SORCS2: variants seen among roughly 807,000 people sequenced by gnomAD.
The protein encoded by SORCS2 is sortilin related VPS10 domain containing receptor 2.
Under a neutral mutation model 141.6 loss-of-function variants are expected in SORCS2, and 100 were observed. That is an observed-to-expected ratio of 0.71 (90% CI 0.60 to 0.83). The LOEUF (loss-of-function observed/expected upper bound fraction) is 0.83, where lower values mean the gene tolerates loss of function less well. SORCS2 is among the 40% of genes least tolerant of loss of function. The pLI is 0.00. For missense variants in SORCS2, 1,646 were observed against 1,560.2 expected (o/e 1.05, Z -0.93); for synonymous variants, 789 against 676.9 (o/e 1.17, Z -2.57).
rs191340606 is a variant in SORCS2 at position 7,492,530 on chromosome 4, C to A, written c.549-39000C>A. ...AACGCAGGAGTACAGGGACCTCTTC[C>A]ACATTCTGATTTTATTTCCTTTTGC... On this transcript the variant is annotated intron_variant, in intron 2 of 26. Transcript: ENST00000507866. Among the ~76,000 whole-genome samples the A allele has an allele frequency of 3.9e-3, 589 of 152,330 alleles. 4 individuals carry two copies. Among genetic ancestry groups the A allele is most frequent in the Non-Finnish European group, 6.6e-3 (449 of 68,040 alleles).
rs1011817859 is a variant in SORCS2 at position 7,632,700 on chromosome 4, G to C, written c.649-5628G>C. Reference sequence around the variant, plus strand: ...GCCCTGTACCCAGAGCCCCCCGGCTGTGTGTGAATAACACCAATGCCCATT... The same window carrying C: ...GCCCTGTACCCAGAGCCCCCCGGCTCTGTGTGAATAACACCAATGCCCATT... On this transcript the variant is annotated intron_variant, in intron 3 of 26. Coordinates refer to ENST00000507866, the MANE Select transcript of SORCS2 (RefSeq NM_020777.3). 2.1e-4 allele frequency among the ~76,000 whole-genome samples: 32 copies of C among 152,326 alleles called. No individual in the cohort carries two copies. The Middle Eastern group carries it at 0.01, about 49-fold the overall frequency.
intron 1 of SORCS2, among the ~76,000 whole-genome samples, chr4:7,258,810 G>C (rs6815971): frequency 0.87 from 132,996 of 152,236 alleles, 58,224 homozygotes; most frequent in Non-Finnish European, 0.89. Context: ...TTTTAATGAT[G>C]GCCATTCTAA....
In SORCS2 at chr4:7,435,368, G is replaced by C. The variant is rs75259950; in HGVS notation, c.548+39013G>C. On this transcript the variant is annotated intron_variant, in intron 2 of 26. Transcript: ENST00000507866. The stretch of plus-strand genomic sequence containing the variant: ...CTCTGCCTTATTTGCTGAAGATCGA[G>C]TGTTCCCAATGACTGGCCACCCCCT... Among the ~76,000 whole-genome samples the C allele has an allele frequency of 9.3e-3, 1,418 of 152,348 alleles. 6 individuals carry two copies. Among genetic ancestry groups the C allele is most frequent in the Non-Finnish European group, 0.016 (1,071 of 68,034 alleles).
chr4:7,543,843 CTCATCCGTCCATCCAT>C (rs1712980498), intron 3 of SORCS2, among the ~76,000 whole-genome samples: 3 of 83,388 alleles, frequency 3.6e-5, no homozygotes, highest in Non-Finnish European at 7.5e-5. Context: ...CATCCATCCA[CTCATCCGTCCATCCAT>C]CCACCCATCC....
At chr4:7,231,424 T>G (rs1161850351) in intron 1 of SORCS2, among the ~76,000 whole-genome samples, 1 of 152,234 alleles carries the variant, frequency 6.6e-6, no homozygotes, top group African/African-American at 2.4e-5. Flanking sequence ...GGGCACCCCA[T>G]GGCCCAGTCA....
intron 2 of SORCS2, among the ~76,000 whole-genome samples, chr4:7,456,522 G>A (rs536131142): frequency 1.8e-4 from 28 of 152,214 alleles, no homozygotes; most frequent in African/African-American, 5.3e-4. Context: ...AAAATGGTCC[G>A]GGCACTGTTG....
chr4:7,347,809 T>C (rs770198435), intron 1 of SORCS2, among the ~76,000 whole-genome samples: 2 of 152,268 alleles, frequency 1.3e-5, no homozygotes, highest in Non-Finnish European at 2.9e-5. Flanking sequence ...TTTAATGTCA[T>C]GTATTAGACT....
chr4:7,737,979 T>C (rs1419727743), intron 26 of SORCS2, among the ~76,000 whole-genome samples: 2 of 152,234 alleles, frequency 1.3e-5, no homozygotes, highest in African/African-American at 2.4e-5. Flanking sequence ...CCTCCCAGCA[T>C]GGCGGCTGAC....
chr4:7,393,696 T>C (rs1408489602), intron 1 of SORCS2, among the ~76,000 whole-genome samples: 1 of 152,088 alleles, frequency 6.6e-6, no homozygotes. Context: ...TTGCTGTAAC[T>C]GTGGGGCTCG....
intron 3 of SORCS2, among the ~76,000 whole-genome samples, chr4:7,629,476 G>A (rs1410176087): frequency 1.3e-5 from 2 of 151,982 alleles, no homozygotes; most frequent in South Asian, 2.1e-4. Flanking sequence ...GGAGGTGGGA[G>A]TCAGGAGGTG....
chr4:7,301,571 C>T (rs558473509), intron 1 of SORCS2, among the ~76,000 whole-genome samples: 4 of 152,208 alleles, frequency 2.6e-5, no homozygotes, highest in African/African-American at 7.2e-5. Context: ...AGAGCACCCT[C>T]GACCCTTCTC....
intron 1 of SORCS2, among the ~76,000 whole-genome samples, chr4:7,313,637 T>A (rs1718348732): frequency 6.6e-6 from 1 of 152,192 alleles, no homozygotes; most frequent in South Asian, 2.1e-4. Context: ...AATGTCTCTT[T>A]TCCAGAAACT....
intron 3 of SORCS2, among the ~76,000 whole-genome samples, chr4:7,557,114 A>T (rs942845873): frequency 6.6e-6 from 1 of 152,194 alleles, no homozygotes; most frequent in African/African-American, 2.4e-5. Context: ...CAAAACACAC[A>T]AGGAGGGCAG....
At chr4:7,649,583 T>C (rs1254730607) in intron 4 of SORCS2, among the ~76,000 whole-genome samples, 1 of 151,888 alleles carries the variant, frequency 6.6e-6, no homozygotes, top group Admixed American at 6.6e-5. Flanking sequence ...TGAAGCGTGG[T>C]GACTTATTAG....
chr4:7,543,943 T>TCCATCCAC (rs1713015734), intron 3 of SORCS2, among the ~76,000 whole-genome samples: 3 of 91,198 alleles, frequency 3.3e-5, no homozygotes, highest in African/African-American at 8.8e-5. Context: ...CATCCACCCA[T>TCCATCCAC]CCATCCATCC....
At chr4:7,724,147 C>CGTGGTG (rs1184606330) in intron 19 of SORCS2, among the ~76,000 whole-genome samples, 1 of 110,518 alleles carries the variant, frequency 9.0e-6, no homozygotes, top group Non-Finnish European at 1.9e-5. Flanking sequence ...TGGTGATGGT[C>CGTGGTG]GTGGTGGTGG....
chr4:7,413,295 C>T (rs543925770), intron 2 of SORCS2, among the ~76,000 whole-genome samples: 3 of 150,842 alleles, frequency 2.0e-5, no homozygotes, highest in African/African-American at 7.3e-5. Flanking sequence ...TCTCACTAGT[C>T]TTAAGATGCA....
chr4:7,396,366 C>T lies in SORCS2; in HGVS notation c.548+11C>T. ...AAGTTCTCTGTGGCGGTAAGTCAGCCCGATGGCAGGCCTTTCTCTTATGCA... is the reference window on the plus strand; with the variant it reads ...AAGTTCTCTGTGGCGGTAAGTCAGCTCGATGGCAGGCCTTTCTCTTATGCA... On this transcript the variant is annotated intron_variant, in intron 2 of 26. Coordinates refer to ENST00000507866, the MANE Select transcript of SORCS2 (RefSeq NM_020777.3). The T allele has an allele frequency of 6.2e-7, 1 of 1,613,700 alleles. No homozygotes were observed. The highest frequency in any genetic ancestry group is 8.5e-7 in the Non-Finnish European group (1 of 1,179,782).
At chr4:7,427,461 T>C (rs1443084211) in intron 2 of SORCS2, among the ~76,000 whole-genome samples, 3 of 152,128 alleles carry the variant, frequency 2.0e-5, no homozygotes, top group African/African-American at 7.2e-5. Flanking sequence ...CCAGAGCACC[T>C]CATGGGGACG....
Sources: allele counts gnomAD v4.1 joint callset (sites outside exome capture counted in the v4.1 genomes callset), GRCh38; gene constraint gnomAD v4.1.1; transcripts MANE v1.5; gene names NCBI Gene and HGNC (gene_info 2026-07-23, HGNC 2026-07-21).